The following CFAP54 variants were observed in gnomAD, a reference collection of about 807,000 sequenced individuals.
CFAP54 encodes the protein cilia- and flagella-associated protein 54.
A neutral mutation model predicts 370.4 loss-of-function variants in CFAP54; 290 were observed. That is an observed-to-expected ratio of 0.78 (90% CI 0.71 to 0.86). The LOEUF (loss-of-function observed/expected upper bound fraction) is 0.86, where lower values mean the gene tolerates loss of function less well. Ranked by LOEUF, CFAP54 falls within the 40% of genes least tolerant of loss-of-function variation. The probability of loss-of-function intolerance (pLI) is 0.00; values close to 1 mark genes in which losing one functional copy is unlikely to be tolerated. For missense variants in CFAP54, 3,399 were observed against 3,528.7 expected, an observed-to-expected ratio of 0.96 and a Z score of 0.93; for synonymous variants, 1,206 against 1,236.5, an observed-to-expected ratio of 0.98 and a Z score of 0.52.
chr12:96,748,619 C>G (rs1387525397), intron 55 of CFAP54, among the ~76,000 whole-genome samples: 1 of 152,220 alleles, frequency 6.6e-6, no homozygotes, highest in Non-Finnish European at 1.5e-5. Context: ...AGCTCAGTAG[C>G]AGAATCTTTG....
chr12:96,765,723 A>T lies in CFAP54; in HGVS notation c.8281+505A>T, dbSNP rs12579068. 9.5e-3 allele frequency among the ~76,000 whole-genome samples: 1,448 copies of T among 152,382 alleles called. 54 individuals carry two copies. The East Asian group carries it at 0.1, about 11-fold the overall frequency. On this transcript the variant is annotated intron_variant, in intron 60 of 67. Coordinates refer to ENST00000524981, the MANE Select transcript of CFAP54 (RefSeq NM_001306084.2). Reference sequence around the variant, plus strand: ...CTACAGCAAATTGCACAGTGCTTGCACATAGCAGACATTCAATATCAACAT... The same window carrying T: ...CTACAGCAAATTGCACAGTGCTTGCTCATAGCAGACATTCAATATCAACAT...
intron 65 of CFAP54, among the ~76,000 whole-genome samples, chr12:96,821,895 T>C (rs1959039823): frequency 6.6e-6 from 1 of 152,156 alleles, no homozygotes; most frequent in South Asian, 2.1e-4. Context: ...TTATTTCTAT[T>C]AACAGTATAG....
chr12:96,708,986 AT>A (rs1031283079), intron 48 of CFAP54, among the ~76,000 whole-genome samples, 183 bp downstream of exon 48: 2 of 152,210 alleles, frequency 1.3e-5, no homozygotes, highest in Admixed American at 1.3e-4. Flanking sequence ...GTTTATATAT[AT>A]ATCCATATTC....
rs571238179 is a variant in CFAP54 at position 96,519,099 on chromosome 12, C to T, written c.942+28C>T. On this transcript the variant is annotated intron_variant, in intron 6 of 67. Transcript: ENST00000524981. ...ATGCTGCTTTTTAACTCTGAGGAGT[C>T]GAGTTTTTTTTTTTTTTGAGATGGA... 36 of 1,481,074 alleles carry T rather than the reference C, an allele frequency of 2.4e-5. 1 individual carries two copies. The highest frequency in any genetic ancestry group is 1.6e-4 in the South Asian group (12 of 77,156). The allele number at this position is 1,481,074 out of a possible 1,614,324, so 91.7% of individuals were successfully genotyped here.
At chr12:96,858,704 G>C (rs1959783722) in intron 66 of CFAP54, among the ~76,000 whole-genome samples, 1 of 152,130 alleles carries the variant, frequency 6.6e-6, no homozygotes, top group South Asian at 2.1e-4. Context: ...AAAGATCCCT[G>C]CAATGAGAAT....
chr12:96,672,440 G>T (rs188880544), intron 39 of CFAP54, among the ~76,000 whole-genome samples: 5 of 152,270 alleles, frequency 3.3e-5, no homozygotes, highest in African/African-American at 1.2e-4. Flanking sequence ...ATATTGATTG[G>T]GTTGGAGATT....
intron 28 of CFAP54, among the ~76,000 whole-genome samples, chr12:96,625,293 A>C (rs1419091007): frequency 6.6e-6 from 1 of 152,220 alleles, no homozygotes; most frequent in African/African-American, 2.4e-5. Flanking sequence ...ATAACTAAAA[A>C]ATGTCATAGT....
intron 8 of CFAP54, among the ~76,000 whole-genome samples, chr12:96,526,064 G>A (rs181709981): frequency 1.5e-4 from 23 of 152,316 alleles, no homozygotes; most frequent in Non-Finnish European, 2.5e-4. Flanking sequence ...GCTAGTGCTT[G>A]CGGGAAAGTA....
chr12:96,864,264 G>A (rs529873615), intron 67 of CFAP54, among the ~76,000 whole-genome samples: 1 of 152,232 alleles, frequency 6.6e-6, no homozygotes, highest in African/African-American at 2.4e-5. Flanking sequence ...AGAAGAAGGG[G>A]AACAGACACA....
chr12:96,718,026 A>T (rs1388296035), intron 48 of CFAP54, among the ~76,000 whole-genome samples: 1 of 152,136 alleles, frequency 6.6e-6, no homozygotes, highest in Non-Finnish European at 1.5e-5. Flanking sequence ...TATTAAACTT[A>T]TGGATAGTTT....
chr12:96,560,340 T>C (rs973888808), intron 17 of CFAP54, among the ~76,000 whole-genome samples: 1 of 151,888 alleles, frequency 6.6e-6, no homozygotes, highest in African/African-American at 2.4e-5. Flanking sequence ...AGGTAAACTA[T>C]TTTTTTTAGC....
chr12:96,545,649 G>A (rs979065407), intron 14 of CFAP54, among the ~76,000 whole-genome samples: 1 of 152,116 alleles, frequency 6.6e-6, no homozygotes, highest in African/African-American at 2.4e-5. Flanking sequence ...TCTCAATACC[G>A]CCACATTGAG....
At chr12:96,808,162 A>G (rs1379781619) in intron 63 of CFAP54, among the ~76,000 whole-genome samples, 2 of 152,144 alleles carry the variant, frequency 1.3e-5, no homozygotes, top group African/African-American at 4.8e-5. Context: ...TCAAAGAACT[A>G]TACAGTCTTC....
chr12:96,743,252 T>C, intron 52 of CFAP54, 150 bp from the exon 53 acceptor site: 1 of 747,810 alleles, frequency 1.3e-6, no homozygotes, highest in South Asian at 2.3e-5. Flanking sequence ...TTATTTTCCA[T>C]GTTTCATGTA....
At chr12:96,777,990 C>G (rs1232213061) in intron 60 of CFAP54, among the ~76,000 whole-genome samples, 1 of 152,170 alleles carries the variant, frequency 6.6e-6, no homozygotes, top group African/African-American at 2.4e-5. Flanking sequence ...TGTAGTACAA[C>G]TGTTATGTAC....
chr12:96,586,955 A>C (rs1319398942), intron 22 of CFAP54, among the ~76,000 whole-genome samples: 1 of 152,180 alleles, frequency 6.6e-6, no homozygotes, highest in East Asian at 1.9e-4. Flanking sequence ...TGATGTGGTG[A>C]GAAGTAGTCA....
intron 63 of CFAP54, among the ~76,000 whole-genome samples, chr12:96,805,811 T>A (rs961289701): frequency 6.6e-6 from 1 of 152,100 alleles, no homozygotes; most frequent in Non-Finnish European, 1.5e-5. Flanking sequence ...GCATCACTAT[T>A]TACAATAGCA....
At chr12:96,865,936 AG>A (rs1334786438) in intron 67 of CFAP54, among the ~76,000 whole-genome samples, 3 of 152,158 alleles carry the variant, frequency 2.0e-5, no homozygotes, top group Non-Finnish European at 4.4e-5. Context: ...AATATAAGAT[AG>A]TAGAGCCTTA....
In CFAP54 at chr12:96,658,068, C is replaced by G. The variant is rs149704255; in HGVS notation, c.5287C>G (p.Leu1763Val). The G allele has an allele frequency of 8.2e-5, 132 of 1,613,454 alleles. No individual in the cohort carries two copies. The highest frequency in any genetic ancestry group is 1.2e-4 in the Admixed American group (7 of 59,964). The change falls in exon 37 of 68, where the codon CTA becomes GTA. Residue 1763 changes from leucine to valine, a missense_variant. Physicochemically the swap from Leu to Val is conservative, Grantham distance 32. Around this residue, in one of 3 missense-constraint regions of CFAP54, gnomAD observed 2,796 missense variants for 2,869.7 expected, o/e 0.97. Coordinates refer to ENST00000524981, the MANE Select transcript of CFAP54 (RefSeq NM_001306084.2). ...VLYQVEKWETLVSLAIQFNTV... is the reference protein window; with the variant it reads ...VLYQVEKWETVVSLAIQFNTV... ...ATATCAAGTGGAAAAATGGGAAACA[C>G]TAGTATCTCTTGCCATTCAGTTCAA...
Sources: allele counts gnomAD v4.1 joint callset (sites outside exome capture counted in the v4.1 genomes callset), GRCh38; gene constraint gnomAD v4.1.1; regional missense constraint gnomAD v4.1.1; transcripts MANE v1.5; gene names NCBI Gene and HGNC (gene_info 2026-07-23, HGNC 2026-07-21).